The following POLE variants were observed in gnomAD, a reference collection of about 807,000 sequenced individuals.
POLE encodes DNA polymerase epsilon catalytic subunit A.
A neutral mutation model predicts 279.2 loss-of-function variants in POLE; 188 were observed. The ratio of observed to expected loss-of-function variants is 0.67; its 90% CI spans 0.60 to 0.76. The LOEUF is 0.76. Ranked by LOEUF, POLE falls within the 30% of genes least tolerant of loss-of-function variation. POLE has a pLI of 0.00. For missense variants in POLE, 2,703 were observed against 3,016.7 expected, an observed-to-expected ratio of 0.90 and a Z score of 2.44; for synonymous variants, 1,214 against 1,172.5, an observed-to-expected ratio of 1.04 and a Z score of -0.72.
At position 132,659,748 on chromosome 12, in the gene POLE, A is replaced by G. The variant is rs1017650950; in HGVS notation, c.3061-239T>C. 19 of 493,356 alleles carry G rather than the reference A, an allele frequency of 3.9e-5. No individual in the cohort carries two copies. The Middle Eastern group carries it at 1.7e-3, about 44-fold the overall frequency. 30.6% of individuals were successfully genotyped at this position (493,356 alleles called of 1,614,324 possible). ...CATTCTGTCACCCAGGCTGGAGTGCAGTGGTGCAATCTCAACTCACTAAAA... is the reference window on the plus strand; with the variant it reads ...CATTCTGTCACCCAGGCTGGAGTGCGGTGGTGCAATCTCAACTCACTAAAA... On this transcript the variant is annotated intron_variant, in intron 25 of 48. Coordinates refer to ENST00000320574, the MANE Select transcript of POLE (RefSeq NM_006231.4).
chr12:132,654,533 A>G (rs549438095), intron 29 of POLE, among the ~76,000 whole-genome samples: 16 of 152,304 alleles, frequency 1.1e-4, no homozygotes, highest in Non-Finnish European at 2.2e-4. Flanking sequence ...AGGCTTTACT[A>G]TATCTATAAT....
At position 132,640,058 on chromosome 12, in the gene POLE, C is replaced by T. The variant is rs576883601; in HGVS notation, c.5379-760G>A. ...CAAGAACTTAGAGGCCTCTCTCCCG[C>T]CTAGCAGGCTGGGCCCTGCCTTCCC... On this transcript the variant is annotated intron_variant, in intron 39 of 48. Coordinates refer to ENST00000320574, the MANE Select transcript of POLE (RefSeq NM_006231.4). Among the ~76,000 whole-genome samples the T allele has an allele frequency of 5.9e-5, 9 of 152,346 alleles. No homozygotes were observed. The East Asian group carries it at 1.7e-3, about 29-fold the overall frequency.
Position 132,673,669 on chromosome 12 carries a change from T to C in POLE, c.1265A>G (p.His422Arg), listed in dbSNP as rs1222137844. 6.2e-7 allele frequency: 1 copy of C among 1,614,008 alleles called. No homozygotes were observed. Among genetic ancestry groups the C allele is most frequent in the Non-Finnish European group, 8.5e-7 (1 of 1,179,972 alleles). Reference sequence around the variant, plus strand: ...GGCCTTGGCGGCCGCCTTGAGATTATGACTGCCCACAGGAAGGTAACTGTC... The same window carrying C: ...GGCCTTGGCGGCCGCCTTGAGATTACGACTGCCCACAGGAAGGTAACTGTC... The part of the protein sequence containing the change: ...KRDSYLPVGS[H>R]NLKAAAKAKL... The change falls in exon 13 of 49, where the codon CAT becomes CGT. Residue 422 changes from histidine (H) to arginine (R), a missense_variant. Around this residue, in one of 5 missense-constraint regions of POLE, gnomAD observed 1,011 missense variants for 1,111.7 expected, o/e 0.91. Transcript: ENST00000320574.
At chr12:132,652,535 G>A (rs557221027) in intron 29 of POLE, among the ~76,000 whole-genome samples, 28 of 151,824 alleles carry the variant, frequency 1.8e-4, no homozygotes, top group Non-Finnish European at 3.8e-4. Flanking sequence ...TGTTGCCCAG[G>A]CTCGTCTGGA....
At position 132,634,290 on chromosome 12, in the gene POLE, G is replaced by A. The variant is rs201273415; in HGVS notation, c.5900C>T (p.Ala1967Val). ...EERDGEEEEEAEESNVEDLLE... is the reference protein window; with the variant it reads ...EERDGEEEEEVEESNVEDLLE... ...TAAATCCTCCACGTTGGATTCCTCC[G>A]CCTCTTCCTCCTCCTCCCCATCTCT... Residue 1967 changes from alanine to valine, a missense_variant, in exon 43 of 49, where the codon GCG becomes GTG. Physicochemically the swap from Ala to Val is moderately conservative, Grantham distance 64 (BLOSUM62 0). Around this residue, in one of 5 missense-constraint regions of POLE, gnomAD observed 1,551 missense variants for 1,686.1 expected, o/e 0.92. Transcript: ENST00000320574. The surrounding 1 kb of genome is among the most constrained non-coding windows in gnomAD (Gnocchi z 4.0). 77 of 1,614,082 alleles carry A rather than the reference G, an allele frequency of 4.8e-5. 1 individual carries two copies. Among genetic ancestry groups the A allele is most frequent in the Admixed American group, 3.7e-4 (22 of 60,020 alleles).
intron 14 of POLE, 96 bp from the exon 15 acceptor site, chr12:132,672,935 G>A (rs2135994781): frequency 2.6e-6 from 3 of 1,174,410 alleles, no homozygotes; most frequent in South Asian, 2.7e-5. Flanking sequence ...CAGTGTGAAA[G>A]GAGAGAAAAC....
chr12:132,636,875 C>T (rs953205320), intron 41 of POLE, among the ~76,000 whole-genome samples: 4 of 152,242 alleles, frequency 2.6e-5, no homozygotes, highest in Non-Finnish European at 5.9e-5. Flanking sequence ...GCAGCTCCTG[C>T]AGGAGAACTT....
At position 132,661,246 on chromosome 12, in the gene POLE, C is replaced by T; in HGVS notation, c.2865-82G>A. The T allele has an allele frequency of 1.5e-6, 2 of 1,303,086 alleles. No individual in the cohort carries two copies. Among genetic ancestry groups the T allele is most frequent in the Admixed American group, 4.4e-5 (2 of 45,434 alleles). 80.7% of individuals were successfully genotyped at this position (1,303,086 alleles called of 1,614,324 possible). On this transcript the variant is annotated intron_variant, in intron 24 of 48. Coordinates refer to ENST00000320574, the MANE Select transcript of POLE (RefSeq NM_006231.4). This position sits in a 1 kb window ranked among gnomAD's most constrained non-coding sequence, Gnocchi z 4.1. The stretch of plus-strand genomic sequence containing the variant: ...AGCTGTGCCTCATCCTCTCTGCCCG[C>T]CTCTTCCCTTTCCAACCCTCCACCT...
intron 23 of POLE, among the ~76,000 whole-genome samples, chr12:132,663,481 C>G (rs555124469): frequency 6.6e-6 from 1 of 152,364 alleles, no homozygotes; most frequent in Admixed American, 6.5e-5. Context: ...GGACAGCCAA[C>G]CATCGCCTGG....
rs766094330 is a variant in POLE at position 132,675,786 on chromosome 12, T to G, written c.1055A>C (p.Gln352Pro). 3.0e-5 allele frequency: 48 copies of G among 1,614,118 alleles called. No homozygotes were observed. The highest frequency in any genetic ancestry group is 3.8e-5 in the Non-Finnish European group (45 of 1,180,034). The stretch of plus-strand genomic sequence containing the variant: ...GACCATGATGGTGGGTTTGGTCTCC[T>G]GGACGTGTTCAAACCACCTTTGGAT... The part of the protein sequence containing the change: ...HLIQRWFEHV[Q>P]ETKPTIMVTY... Residue 352 changes from glutamine (Q) to proline (P), a missense_variant, in exon 11 of 49, where the codon CAG becomes CCG. Physicochemically the swap from Gln to Pro is moderately conservative, Grantham distance 76. This residue lies in a region of POLE where 1,011 missense variants were observed against 1,111.7 expected (regional missense o/e 0.91). Transcript: ENST00000320574. This position sits in a 1 kb window ranked among gnomAD's most constrained non-coding sequence, Gnocchi z 4.3.
At chr12:132,625,507 T>C (rs745497926) in intron 47 of POLE, 138 bp downstream of exon 47, 28 of 1,068,528 alleles carry the variant, frequency 2.6e-5, no homozygotes, top group Non-Finnish European at 3.8e-5. Flanking sequence ...GCTCAGGGCA[T>C]GGACTGGTCT....
At chr12:132,640,454 A>C (rs569201246) in intron 39 of POLE, among the ~76,000 whole-genome samples, 7 of 152,374 alleles carry the variant, frequency 4.6e-5, no homozygotes, top group African/African-American at 1.7e-4. Flanking sequence ...CACAAAAGCC[A>C]CAAGGGCGTG....
At chr12:132,643,738 C>A (rs537108514) in intron 33 of POLE, 99 bp downstream of exon 33, 1 of 1,472,100 alleles carries the variant, frequency 6.8e-7, no homozygotes, top group Non-Finnish European at 9.3e-7. Flanking sequence ...AGTCCACTGT[C>A]GCTGCTGTTC....
At chr12:132,665,180 C>T in intron 21 of POLE, 122 bp downstream of exon 21, 1 of 1,107,740 alleles carries the variant, frequency 9.0e-7, no homozygotes, top group Non-Finnish European at 1.3e-6. Context: ...AGCCTTCTCC[C>T]TCCAACATTC....
intron 6 of POLE, 24 bp from the exon 7 acceptor site, chr12:132,677,743 T>G (rs773149287): frequency 9.9e-6 from 16 of 1,610,644 alleles, no homozygotes; most frequent in Non-Finnish European, 1.3e-5. Flanking sequence ...AGAGAGCAAC[T>G]AACTCAGCTG....
chr12:132,632,889 A>G, intron 43 of POLE, 94 bp from the exon 44 acceptor site: 2 of 1,334,750 alleles, frequency 1.5e-6, no homozygotes, highest in Non-Finnish European at 1.0e-6. Flanking sequence ...ATTGCCTCAC[A>G]GATGAGGCTA....
In POLE at chr12:132,664,207, G is replaced by A. The variant is rs1217597371; in HGVS notation, c.2562-59C>T. On this transcript the variant is annotated intron_variant, in intron 22 of 48. Transcript: ENST00000320574. This position sits in a 1 kb window ranked among gnomAD's most constrained non-coding sequence, Gnocchi z 5.3. ...CCCCTTTCCTTTTCACCCAGTGTGT[G>A]GCCTCCAGCCTTCCCTCCTTCCTTC... The A allele has an allele frequency of 4.5e-6, 7 of 1,571,854 alleles. No homozygotes were observed. The East Asian group carries it at 1.6e-4, about 35-fold the overall frequency.
intron 47 of POLE, 84 bp from the exon 48 acceptor site, chr12:132,625,078 C>T: frequency 1.0e-6 from 1 of 983,102 alleles, no homozygotes; most frequent in South Asian, 1.3e-5. Context: ...TCGCGAGACA[C>T]ATTCGTGGGC....
intron 45 of POLE, among the ~76,000 whole-genome samples, chr12:132,631,149 G>C (rs900091974): frequency 1.3e-5 from 2 of 152,170 alleles, no homozygotes; most frequent in African/African-American, 4.8e-5. Context: ...ACACACGAGC[G>C]CGTGGATGAA....
Sources: gnomAD v4.1 joint callset for allele counts (sites outside exome capture counted in the v4.1 genomes callset) on GRCh38, gnomAD v4.1.1 for gene constraint, gnomAD v4.1.1 regional missense constraint, Gnocchi (gnomAD v3.1) non-coding constraint, MANE v1.5 for transcripts, NCBI Gene and HGNC (gene_info 2026-07-23, HGNC 2026-07-21) for gene names.